C18orf54: variants seen among roughly 807,000 people sequenced by gnomAD.
C18orf54 encodes chromosome 18 open reading frame 54.
In C18orf54, 49 loss-of-function variants were observed where a neutral mutation model predicts 49.3. The ratio of observed to expected loss-of-function variants is 0.99; its 90% CI spans 0.79 to 1.26. The LOEUF (loss-of-function observed/expected upper bound fraction) is 1.26. Among genes scored for constraint, C18orf54 ranks in the 50% most tolerant of loss-of-function variants. C18orf54 has a pLI of 0.00. For synonymous variants in C18orf54, 211 were observed against 216.6 expected (o/e 0.97, Z 0.23); for missense variants, 687 against 620.6 (o/e 1.11, Z -1.14).
rs73476834 is a variant in C18orf54 at position 54,366,694 on chromosome 18, A to G, written c.1326+873A>G. 3.9e-3 allele frequency among the ~76,000 whole-genome samples: 598 copies of G among 151,904 alleles called. 5 individuals are homozygous for G. Among genetic ancestry groups the G allele is most frequent in the African/African-American group, 0.014 (574 of 41,494 alleles). ...TGCTGGATCATATGGTAGTTCTATTATATATTTAATTTTTTGAGGAATCTT... is the reference window on the plus strand; with the variant it reads ...TGCTGGATCATATGGTAGTTCTATTGTATATTTAATTTTTTGAGGAATCTT... On this transcript the variant is annotated intron_variant, in intron 6 of 8. Coordinates refer to ENST00000620105, the MANE Select transcript of C18orf54 (RefSeq NM_001288980.2).
In C18orf54 at chr18:54,365,748, A is replaced by G; in HGVS notation, c.1253A>G (p.Asp418Gly). ...FKSPVPVNSD[D>G]SPQQTSRAKS... The stretch of plus-strand genomic sequence containing the variant: ...TCTCCTGTTCCCGTTAACTCTGATG[A>G]TAGTCCTCAACAAACTTCAAGGGCA... Residue 418 changes from aspartate (D) to glycine (G), a missense_variant, in exon 6 of 9, where the codon GAT becomes GGT. Physicochemically the swap from Asp to Gly is moderately conservative, Grantham distance 94. Transcript: ENST00000620105. The G allele has an allele frequency of 6.3e-7, 1 of 1,598,944 alleles. No individual in the cohort carries two copies. Among genetic ancestry groups the G allele is most frequent in the Non-Finnish European group, 8.5e-7 (1 of 1,169,904 alleles).
At chr18:54,365,640 A>T in intron 5 of C18orf54, 79 bp from the exon 6 acceptor site, 1 of 746,344 alleles carries the variant, frequency 1.3e-6, no homozygotes, top group South Asian at 2.1e-5. Context: ...TTTAAATGAG[A>T]ATTCTTAAAT....
At chr18:54,358,406 C>G (rs2089191445) in intron 1 of C18orf54, among the ~76,000 whole-genome samples, 1 of 146,078 alleles carries the variant, frequency 6.8e-6, no homozygotes, top group Non-Finnish European at 1.5e-5. Flanking sequence ...GAACACTTCT[C>G]CTTCAGTCCA....
intron 8 of C18orf54, among the ~76,000 whole-genome samples, chr18:54,376,757 A>G (rs2089579029): frequency 6.6e-6 from 1 of 152,226 alleles, no homozygotes; most frequent in Non-Finnish European, 1.5e-5. Context: ...AGGTGAGAGA[A>G]TTGAGAGTCT....
At chr18:54,378,096 T>TTTAC (rs2089606002) in intron 8 of C18orf54, 78 bp from the exon 9 acceptor site, 2 of 1,094,992 alleles carry the variant, frequency 1.8e-6, no homozygotes, top group African/African-American at 3.2e-5. Context: ...GTCAACTTTA[T>TTTAC]TTATTTTTTT....
intron 4 of C18orf54, 46 bp from the exon 5 acceptor site, chr18:54,362,725 C>T: frequency 6.6e-7 from 1 of 1,526,110 alleles, no homozygotes. Context: ...CTATGCTTTA[C>T]ATTAATTTTT....
At chr18:54,363,541 C>G (rs1599330231) in intron 5 of C18orf54, among the ~76,000 whole-genome samples, 1 of 152,124 alleles carries the variant, frequency 6.6e-6, no homozygotes, top group South Asian at 2.1e-4. Flanking sequence ...TGGTCTCTAA[C>G]TCCTGACCTC....
chr18:54,380,836 T>A lies in C18orf54; in HGVS notation c.*2590T>A, dbSNP rs1247133847. The A allele has an allele frequency of 6.6e-6, 1 of 152,176 alleles. No individual in the cohort carries two copies. Among genetic ancestry groups the A allele is most frequent in the Non-Finnish European group, 1.5e-5 (1 of 68,000 alleles). 9.4% of individuals were successfully genotyped at this position (152,176 alleles called of 1,614,324 possible). The stretch of plus-strand genomic sequence containing the variant: ...ATGGAATTGCTCCTGTAGATTTGAA[T>A]TTTTGTTTCATTTTTTTCTGTCCCA... On this transcript the variant is annotated 3_prime_UTR_variant, in exon 9 of 9. Transcript: ENST00000620105.
chr18:54,363,038 G>A (rs1461646921), intron 5 of C18orf54, 117 bp downstream of exon 5: 7 of 1,015,116 alleles, frequency 6.9e-6, no homozygotes, highest in Middle Eastern at 3.1e-4. Flanking sequence ...ATAGAACATA[G>A]CTTTGTGTTA....
chr18:54,378,236 C>T lies in C18orf54; in HGVS notation c.1592C>T (p.Pro531Leu), dbSNP rs886079327. 19 of 1,612,742 alleles carry T rather than the reference C, an allele frequency of 1.2e-5. No individual in the cohort carries two copies. Among genetic ancestry groups the T allele is most frequent in the Middle Eastern group, 1.6e-4 (1 of 6,080 alleles). ...LVDDTNGERS[P>L]KM ...GATGATACGAATGGAGAACGGTCAC[C>T]GAAAATGTGAAGAGGAAAATGAAAC... The change falls in exon 9 of 9, where the codon CCG (proline) becomes CTG (leucine). Residue 531 changes from proline to leucine, a missense_variant. Pro to Leu is a moderately conservative substitution (Grantham distance 98, BLOSUM62 -3). Coordinates refer to ENST00000620105, the MANE Select transcript of C18orf54 (RefSeq NM_001288980.2).
At chr18:54,372,687 A>G (rs2089510087) in intron 7 of C18orf54, 90 bp downstream of exon 7, 1 of 1,248,452 alleles carries the variant, frequency 8.0e-7, no homozygotes, top group Non-Finnish European at 1.1e-6. Flanking sequence ...TTATAGTTTT[A>G]TGTTAGTAAG....
chr18:54,381,488 ACT>A lies in C18orf54; in HGVS notation c.*3245_*3246del, dbSNP rs1037084513. The stretch of plus-strand genomic sequence containing the variant: ...AGCCAGAGTGACTGGTCTTGGCAAG[ACT>A]CTGTTGTGTATCACCACTCTAACCT... On this transcript the variant is annotated 3_prime_UTR_variant, in exon 9 of 9. Coordinates refer to ENST00000620105, the MANE Select transcript of C18orf54 (RefSeq NM_001288980.2). The A allele has an allele frequency of 9.9e-5, 15 of 152,026 alleles. No homozygotes were observed. Among genetic ancestry groups the A allele is most frequent in the Non-Finnish European group, 1.2e-4 (8 of 67,990 alleles). The allele number at this position is 152,026 out of a possible 1,614,324, so 9.4% of individuals were successfully genotyped here.
At chr18:54,375,083 A>G (rs2089548069) in intron 8 of C18orf54, among the ~76,000 whole-genome samples, 1 of 151,926 alleles carries the variant, frequency 6.6e-6, no homozygotes, top group Non-Finnish European at 1.5e-5. Context: ...TACTTAATTT[A>G]TTATCTTTAG....
Position 54,360,799 on chromosome 18 carries a change from A to G in C18orf54, c.227A>G (p.Asp76Gly). The change falls in exon 3 of 9, where the codon GAT becomes GGT. Residue 76 changes from aspartate (D) to glycine (G), a missense_variant. Asp to Gly is a moderately conservative substitution (Grantham distance 94). Coordinates refer to ENST00000620105, the MANE Select transcript of C18orf54 (RefSeq NM_001288980.2). ...PGASTGKINI[D>G]EDFTNMSQFC... ...GCAAGCACTGGAAAAATTAACATTG[A>G]TGAGGATTTTACTAATATGTCACAG... 1 of 1,613,464 alleles carries G rather than the reference A, an allele frequency of 6.2e-7. No individual in the cohort carries two copies. The highest frequency in any genetic ancestry group is 1.1e-5 in the South Asian group (1 of 91,066).
At chr18:54,362,679 A>C in intron 4 of C18orf54, 92 bp from the exon 5 acceptor site, 1 of 1,172,914 alleles carries the variant, frequency 8.5e-7, no homozygotes, top group Non-Finnish European at 1.2e-6. Flanking sequence ...GTACATTCCA[A>C]ATGATCAGAA....
intron 5 of C18orf54, chr18:54,363,775 C>G (rs2089321025): frequency 2.0e-5 from 3 of 151,368 alleles, no homozygotes; most frequent in Admixed American, 6.6e-5. Flanking sequence ...TCTAAACTTT[C>G]ATTCTGTTAT....
Position 54,362,379 on chromosome 18 carries a change from G to T in C18orf54, c.1020G>T (p.Gln340His), listed in dbSNP as rs764742149. ...NEYKCDFEHS[Q>H]CQCENPLLPG... ...ACAAATGTGATTTTGAACATAGCCA[G>T]TGTCAATGTGAGAATCCACTTCTCC... The change falls in exon 4 of 9, where the codon CAG (glutamine) becomes CAT (histidine). Residue 340 changes from glutamine (Q) to histidine (H), a missense_variant. Gln to His is a conservative substitution (Grantham distance 24, BLOSUM62 0). Coordinates refer to ENST00000620105, the MANE Select transcript of C18orf54 (RefSeq NM_001288980.2). 6.5e-7 allele frequency: 1 copy of T among 1,534,102 alleles called. No homozygotes were observed. The highest frequency in any genetic ancestry group is 2.0e-5 in the Admixed American group (1 of 50,864).
rs2089611329 is a variant in C18orf54, at chr18:54,378,322, A to G, written c.*76A>G. On this transcript the variant is annotated 3_prime_UTR_variant, in exon 9 of 9. Transcript: ENST00000620105. ...GGCATTTTTTCTATTACTTAAACTGACAAAGTAAATATAAGCCATACATTA... is the reference window on the plus strand; with the variant it reads ...GGCATTTTTTCTATTACTTAAACTGGCAAAGTAAATATAAGCCATACATTA... 2 of 1,272,940 alleles carry G rather than the reference A, an allele frequency of 1.6e-6. No individual in the cohort carries two copies. The highest frequency in any genetic ancestry group is 2.3e-6 in the Non-Finnish European group (2 of 886,584). The allele number at this position is 1,272,940 out of a possible 1,614,324, so 78.9% of individuals were successfully genotyped here. A position where few individuals can be genotyped will look rare whatever the true frequency, so the allele number is the denominator to read the frequency against.
intron 5 of C18orf54, among the ~76,000 whole-genome samples, chr18:54,365,349 G>A (rs2089360657): frequency 6.6e-6 from 1 of 151,928 alleles, no homozygotes; most frequent in Admixed American, 6.6e-5. Flanking sequence ...GAGTTTATGG[G>A]GTTGTTGATT....
Sources: gnomAD v4.1 joint callset for allele counts (sites outside exome capture counted in the v4.1 genomes callset) on GRCh38, gnomAD v4.1.1 for gene constraint, MANE v1.5 for transcripts, NCBI Gene and HGNC (gene_info 2026-07-23, HGNC 2026-07-21) for gene names.